CNIH3: variants seen among roughly 807,000 people sequenced by gnomAD.
CNIH3 encodes protein cornichon homolog 3.
In CNIH3, 14 loss-of-function variants were observed where a neutral mutation model predicts 24.1. The observed-to-expected ratio is 0.58, with a 90% confidence interval of 0.38 to 0.91. The LOEUF (loss-of-function observed/expected upper bound fraction) is 0.91, where lower values mean the gene tolerates loss of function less well. CNIH3 is among the 40% of genes least tolerant of loss of function. The pLI is 0.00. For missense variants in CNIH3, 178 were observed against 196.8 expected (o/e 0.90, Z 0.57); for synonymous variants, 68 against 73.8 (o/e 0.92, Z 0.40).
At chr1:224,709,060 G>C (rs1399052405) in intron 3 of CNIH3, among the ~76,000 whole-genome samples, 2 of 152,072 alleles carry the variant, frequency 1.3e-5, no homozygotes, top group African/African-American at 4.8e-5. Context: ...CTTTAGATGG[G>C]GTGTCTGCCC....
chr1:224,496,370 C>T (rs1391060887), intron 1 of CNIH3, among the ~76,000 whole-genome samples: 1 of 152,174 alleles, frequency 6.6e-6, no homozygotes, highest in Admixed American at 6.5e-5. Context: ...CAGCTCTGGC[C>T]CACCTAACTA....
chr1:224,590,220 C>G (rs1027607111), downstream of CNIH3, among the ~76,000 whole-genome samples: 1 of 152,156 alleles, frequency 6.6e-6, no homozygotes, highest in African/African-American at 2.4e-5. Context: ...TAAAGTAGAC[C>G]ATGAATAAAT....
chr1:224,493,344 A>G (rs1232300154), intron 1 of CNIH3, among the ~76,000 whole-genome samples: 2 of 152,208 alleles, frequency 1.3e-5, no homozygotes, highest in East Asian at 3.9e-4. Flanking sequence ...TTAGCAAACC[A>G]AAAGGTCAGG....
chr1:224,540,476 T>G (rs1035312109), downstream of CNIH3, among the ~76,000 whole-genome samples: 1 of 152,224 alleles, frequency 6.6e-6, no homozygotes, highest in Non-Finnish European at 1.5e-5. Flanking sequence ...TTTCATTCAT[T>G]TAAAAAATGT....
intron 4 of CNIH3, among the ~76,000 whole-genome samples, chr1:224,732,471 C>T (rs1177546103): frequency 6.6e-6 from 1 of 152,122 alleles, no homozygotes; most frequent in African/African-American, 2.4e-5. Flanking sequence ...ACCAAGTGAG[C>T]TGGGTTTCAT....
chr1:224,595,405 C>T (rs1248075528), intron 3 of CNIH3, among the ~76,000 whole-genome samples: 1 of 152,144 alleles, frequency 6.6e-6, no homozygotes, highest in Non-Finnish European at 1.5e-5. Flanking sequence ...CAAATTGTGC[C>T]TAAGATGGCA....
At chr1:224,531,575 T>G (rs1679072333) in intron 2 of CNIH3, among the ~76,000 whole-genome samples, 1 of 152,184 alleles carries the variant, frequency 6.6e-6, no homozygotes, top group Non-Finnish European at 1.5e-5. Flanking sequence ...TGTAGATCAA[T>G]GGAGATGTGT....
At chr1:224,471,276 C>T (rs1274943275) in intron 1 of CNIH3, among the ~76,000 whole-genome samples, 3 of 152,138 alleles carry the variant, frequency 2.0e-5, no homozygotes, top group East Asian at 1.9e-4. Context: ...GTGATCTGCC[C>T]GCCTTGGCCT....
chr1:224,599,340 G>A (rs1682114388), intron 3 of CNIH3, among the ~76,000 whole-genome samples: 1 of 152,132 alleles, frequency 6.6e-6, no homozygotes, highest in Non-Finnish European at 1.5e-5. Flanking sequence ...CTAGAGGCTG[G>A]ATGGGCCTCT....
At chr1:224,499,939 T>C (rs1288154182) in intron 1 of CNIH3, among the ~76,000 whole-genome samples, 2 of 151,646 alleles carry the variant, frequency 1.3e-5, no homozygotes, top group Non-Finnish European at 2.9e-5. Context: ...AAAAGAAATC[T>C]AGTGTCAGAG....
chr1:224,566,120 A>G (rs918846807), intron 3 of CNIH3: 2 of 151,808 alleles, frequency 1.3e-5, no homozygotes, highest in Admixed American at 6.6e-5. Flanking sequence ...GATTATCTCT[A>G]TAGTATACCT....
intron 2 of CNIH3, among the ~76,000 whole-genome samples, chr1:224,530,664 A>C (rs1044096333): frequency 6.6e-6 from 1 of 150,910 alleles, no homozygotes; most frequent in Non-Finnish European, 1.5e-5. Flanking sequence ...CAGTGGCATG[A>C]TCTTGGCTCA....
At chr1:224,529,284 A>G (rs1678968270) in intron 2 of CNIH3, 1 of 152,254 alleles carries the variant, frequency 6.6e-6, no homozygotes. Flanking sequence ...AATCTGTGTC[A>G]GCCTGGCAGT....
At chr1:224,606,419 T>G (rs187312269) in intron 3 of CNIH3, among the ~76,000 whole-genome samples, 2 of 152,140 alleles carry the variant, frequency 1.3e-5, no homozygotes, top group African/African-American at 4.8e-5. Flanking sequence ...TGGTCTTCCC[T>G]TGGAGTTTGG....
chr1:224,660,376 G>A (rs1685291821), intron 1 of CNIH3, among the ~76,000 whole-genome samples: 1 of 152,070 alleles, frequency 6.6e-6, no homozygotes, highest in African/African-American at 2.4e-5. Flanking sequence ...CACAACACAT[G>A]GGAATTATTG....
At chr1:224,621,539 G>A (rs752054673) in intron 1 of CNIH3, among the ~76,000 whole-genome samples, 4 of 152,144 alleles carry the variant, frequency 2.6e-5, no homozygotes, top group South Asian at 2.1e-4. Flanking sequence ...GCCCCTGTCC[G>A]TTCTGGCATC....
chr1:224,646,180 G>A (rs1684598707), intron 1 of CNIH3, among the ~76,000 whole-genome samples: 1 of 151,950 alleles, frequency 6.6e-6, no homozygotes, highest in African/African-American at 2.4e-5. Context: ...GGTCACGTTT[G>A]ATTGGAGACA....
At chr1:224,585,095 A>G (rs1211012447) in intron 5 of CNIH3, among the ~76,000 whole-genome samples, 1 of 152,180 alleles carries the variant, frequency 6.6e-6, no homozygotes, top group African/African-American at 2.4e-5. Flanking sequence ...CACATCACTC[A>G]AGTCCTTCAG....
chr1:224,731,287 A>T (rs1268669903), intron 4 of CNIH3, among the ~76,000 whole-genome samples: 1 of 152,224 alleles, frequency 6.6e-6, no homozygotes, highest in East Asian at 1.9e-4. Context: ...TAATAAAAAA[A>T]AAAGCACCTA....
Sources: allele counts gnomAD v4.1 joint callset (sites outside exome capture counted in the v4.1 genomes callset), GRCh38; gene constraint gnomAD v4.1.1; transcripts MANE v1.5; gene names NCBI Gene and HGNC (gene_info 2026-07-23, HGNC 2026-07-21).